BANK1: variants seen among roughly 807,000 people sequenced by gnomAD.
The protein encoded by BANK1 is B cell scaffold protein with ankyrin repeats 1.
Under a neutral mutation model 94.5 loss-of-function variants are expected in BANK1, and 95 were observed. The ratio of observed to expected loss-of-function variants is 1.00; its 90% CI spans 0.85 to 1.19. BANK1 has a LOEUF of 1.19. Among genes scored for constraint, BANK1 ranks in the 50% most tolerant of loss-of-function variants. The pLI is 0.00. For synonymous variants in BANK1, 334 were observed against 308.4 expected (o/e 1.08, Z -0.87); for missense variants, 987 against 932.2 (o/e 1.06, Z -0.77).
chr4:101,854,644 A>G (rs1460659033), intron 2 of BANK1, among the ~76,000 whole-genome samples: 2 of 152,046 alleles, frequency 1.3e-5, no homozygotes. Flanking sequence ...AGGGGCAAAT[A>G]ACTATTCTGA....
At chr4:101,833,419 C>T (rs1296044138) in intron 2 of BANK1, among the ~76,000 whole-genome samples, 1 of 152,188 alleles carries the variant, frequency 6.6e-6, no homozygotes, top group Non-Finnish European at 1.5e-5. Context: ...TTCTCTGCTT[C>T]CACAGATGTA....
chr4:102,011,300 G>A (rs756944378), intron 7 of BANK1, among the ~76,000 whole-genome samples: 1 of 152,152 alleles, frequency 6.6e-6, no homozygotes, highest in South Asian at 2.1e-4. Context: ...CCCTGATTTC[G>A]ATTTGACCAG....
At chr4:101,811,404 A>G (rs1348130718) in intron 1 of BANK1, among the ~76,000 whole-genome samples, 1 of 152,280 alleles carries the variant, frequency 6.6e-6, no homozygotes, top group East Asian at 1.9e-4. Context: ...ACCATAAGGC[A>G]TAATTTAAAA....
At chr4:102,009,308 T>G (rs1726406660) in intron 7 of BANK1, among the ~76,000 whole-genome samples, 1 of 152,196 alleles carries the variant, frequency 6.6e-6, no homozygotes, top group African/African-American at 2.4e-5. Context: ...TACCCTCTAG[T>G]CAATCTGGCC....
chr4:102,000,034 A>G (rs2148935940), intron 7 of BANK1, among the ~76,000 whole-genome samples: 1 of 152,248 alleles, frequency 6.6e-6, no homozygotes, highest in African/African-American at 2.4e-5. Flanking sequence ...AAAATGAAAG[A>G]GATACCCGGG....
At chr4:101,898,638 T>C (rs1178960303) in intron 6 of BANK1, among the ~76,000 whole-genome samples, 2 of 152,078 alleles carry the variant, frequency 1.3e-5, no homozygotes, top group Admixed American at 6.6e-5. Context: ...CAGATACCTA[T>C]GGTTCTTTAA....
intron 2 of BANK1, among the ~76,000 whole-genome samples, chr4:101,852,094 G>A (rs1488060602): frequency 6.6e-6 from 1 of 151,984 alleles, no homozygotes; most frequent in Non-Finnish European, 1.5e-5. Flanking sequence ...TGTTCATTTA[G>A]TTCCAGATTA....
At chr4:101,983,535 G>T (rs958736936) in intron 7 of BANK1, among the ~76,000 whole-genome samples, 1 of 152,054 alleles carries the variant, frequency 6.6e-6, no homozygotes, top group Admixed American at 6.6e-5. Flanking sequence ...AACAATGCCT[G>T]GCAGCCATTA....
chr4:101,791,468 A>G (rs1205300637), intron 1 of BANK1, among the ~76,000 whole-genome samples: 1 of 151,998 alleles, frequency 6.6e-6, no homozygotes, highest in Non-Finnish European at 1.5e-5. Flanking sequence ...CCACCTCCCT[A>G]CTCCACTGGC....
intron 7 of BANK1, among the ~76,000 whole-genome samples, chr4:102,002,611 A>G (rs1726119166): frequency 6.6e-6 from 1 of 152,040 alleles, no homozygotes; most frequent in African/African-American, 2.4e-5. Flanking sequence ...CTACTCATAT[A>G]CAAAAAGATT....
At chr4:101,909,635 A>G (rs1212287340) in intron 6 of BANK1, among the ~76,000 whole-genome samples, 2 of 152,138 alleles carry the variant, frequency 1.3e-5, no homozygotes, top group South Asian at 2.1e-4. Flanking sequence ...ACAACCTTCC[A>G]GCGTGGGCAT....
chr4:101,892,002 T>G (rs1425097404), intron 5 of BANK1, among the ~76,000 whole-genome samples: 1 of 151,950 alleles, frequency 6.6e-6, no homozygotes, highest in East Asian at 1.9e-4. Context: ...CCTCTTGGTG[T>G]TGGCATTTTT....
chr4:101,952,636 C>T (rs1174037414), intron 7 of BANK1, among the ~76,000 whole-genome samples: 1 of 152,106 alleles, frequency 6.6e-6, no homozygotes, highest in Non-Finnish European at 1.5e-5. Context: ...TAACCTAAAA[C>T]ATTGGCTCAT....
intron 2 of BANK1, among the ~76,000 whole-genome samples, chr4:101,845,771 A>G (rs952705299): frequency 6.6e-6 from 1 of 152,266 alleles, no homozygotes; most frequent in African/African-American, 2.4e-5. Context: ...TGAAACATCA[A>G]TGCAATGTCA....
intron 1 of BANK1, among the ~76,000 whole-genome samples, chr4:101,809,728 A>G (rs189577057): frequency 4.1e-4 from 63 of 152,356 alleles, no homozygotes; most frequent in Middle Eastern, 3.4e-3. Flanking sequence ...AATCAGGGCT[A>G]TGCTACAAAT....
intron 7 of BANK1, among the ~76,000 whole-genome samples, chr4:101,941,095 T>C (rs1050752300): frequency 1.3e-5 from 2 of 151,816 alleles, no homozygotes; most frequent in Non-Finnish European, 2.9e-5. Flanking sequence ...TTTTGGATTA[T>C]AATCCAAAAC....
chr4:101,996,645 C>T (rs931959023), intron 7 of BANK1, among the ~76,000 whole-genome samples: 1 of 152,184 alleles, frequency 6.6e-6, no homozygotes, highest in Non-Finnish European at 1.5e-5. Flanking sequence ...AGGTCCTTCA[C>T]ATCCCTTGTA....
intron 10 of BANK1, among the ~76,000 whole-genome samples, chr4:102,037,568 T>C (rs181306407): frequency 1.3e-5 from 2 of 152,260 alleles, no homozygotes; most frequent in East Asian, 3.9e-4. Flanking sequence ...GTTGGAAAAT[T>C]GAAAAGAGTC....
At chr4:102,018,975 G>C (rs1378958790) in intron 7 of BANK1, among the ~76,000 whole-genome samples, 3 of 151,724 alleles carry the variant, frequency 2.0e-5, no homozygotes, top group Non-Finnish European at 4.4e-5. Flanking sequence ...GTGCCACCAT[G>C]CCCAACTAAT....
Sources: allele counts gnomAD v4.1 joint callset (sites outside exome capture counted in the v4.1 genomes callset), GRCh38; gene constraint gnomAD v4.1.1; transcripts MANE v1.5; gene names NCBI Gene and HGNC (gene_info 2026-07-23, HGNC 2026-07-21).